Variants in FANCA observed in about 807,000 individuals in gnomAD.
The protein encoded by FANCA is FA complementation group A.
A neutral mutation model predicts 194.3 loss-of-function variants in FANCA; 236 were observed. The observed-to-expected ratio is 1.21, with a 90% CI of 1.09 to 1.35. The LOEUF (loss-of-function observed/expected upper bound fraction) is 1.35, where lower values mean the gene tolerates loss of function less well. Ranked by LOEUF, FANCA falls within the 40% of genes most tolerant of loss-of-function variation. FANCA has a pLI of 0.00. For missense variants in FANCA, 2,628 were observed against 1,813.9 expected (o/e 1.45, Z -8.15); for synonymous variants, 1,014 against 715.8 (o/e 1.42, Z -6.65).
intron 15 of FANCA, among the ~76,000 whole-genome samples, chr16:89,784,089 G>A (rs1207895239): frequency 1.3e-5 from 2 of 152,060 alleles, no homozygotes; most frequent in Non-Finnish European, 1.5e-5. Flanking sequence ...GGTCAGGCTG[G>A]GCACAGTGGC....
chr16:89,804,874 A>G (rs1456067043), intron 7 of FANCA, among the ~76,000 whole-genome samples: 1 of 151,930 alleles, frequency 6.6e-6, no homozygotes, highest in Non-Finnish European at 1.5e-5. Context: ...TCTACTAAAA[A>G]TACAAAAAAA....
At chr16:89,787,943 G>A (rs1161025805) in intron 14 of FANCA, among the ~76,000 whole-genome samples, 2 of 151,524 alleles carry the variant, frequency 1.3e-5, no homozygotes, top group African/African-American at 4.9e-5. Flanking sequence ...GTCTGATCTT[G>A]GCTCACTGCA....
chr16:89,753,787 G>A (rs1243496734), intron 30 of FANCA, among the ~76,000 whole-genome samples: 2 of 152,198 alleles, frequency 1.3e-5, no homozygotes, highest in Admixed American at 6.5e-5. Flanking sequence ...AGACACGGTG[G>A]CTCACGCCTG....
At chr16:89,799,712 A>AATT in intron 8 of FANCA, 74 bp from the exon 9 acceptor site, 1 of 1,261,774 alleles carries the variant, frequency 7.9e-7, no homozygotes, top group Non-Finnish European at 1.2e-6. Context: ...CACACAAGAG[A>AATT]ATTATTACTT....
At chr16:89,800,528 TTCTTCCC>T (rs2040408976) in intron 8 of FANCA, among the ~76,000 whole-genome samples, 1 of 152,140 alleles carries the variant, frequency 6.6e-6, no homozygotes, top group African/African-American at 2.4e-5. Flanking sequence ...ACCAATAACG[TTCTTCCC>T]AGAAATAGAA....
intron 17 of FANCA, among the ~76,000 whole-genome samples, chr16:89,780,881 G>A (rs1311399394): frequency 2.7e-5 from 4 of 148,460 alleles, no homozygotes; most frequent in Non-Finnish European, 5.9e-5. Flanking sequence ...ACTGAACTGT[G>A]ATCACGGTAC....
Position 89,749,751 on chromosome 16 carries a change from C to G in FANCA, c.3218G>C (p.Arg1073Thr). The G allele has an allele frequency of 2.5e-6, 4 of 1,614,132 alleles. No individual in the cohort carries two copies. Among genetic ancestry groups the G allele is most frequent in the Non-Finnish European group, 3.4e-6 (4 of 1,180,002 alleles). Residue 1073 changes from arginine to threonine, a missense_variant, in exon 32 of 43, where the codon AGG becomes ACG. Arg to Thr is a moderately conservative substitution (Grantham distance 71). Coordinates refer to ENST00000389301, the MANE Select transcript of FANCA (RefSeq NM_000135.4). ...WSVAASLQRQRELLMYKRILL... is the reference protein window; with the variant it reads ...WSVAASLQRQTELLMYKRILL... ...TTACCGTTTGTACATTAGCAGCTCC[C>G]TCTGTCTCTGAAGGCTGGCAGCCAC... is the stretch of plus-strand genomic sequence containing the variant.
At chr16:89,784,013 A>G (rs1477701051) in intron 15 of FANCA, among the ~76,000 whole-genome samples, 1 of 151,990 alleles carries the variant, frequency 6.6e-6, no homozygotes, top group Non-Finnish European at 1.5e-5. Flanking sequence ...TGCCCTCCTC[A>G]GCCTCCAAAA....
intron 29 of FANCA, among the ~76,000 whole-genome samples, chr16:89,759,650 AC>A (rs1240838582): frequency 6.6e-6 from 1 of 152,098 alleles, no homozygotes; most frequent in Non-Finnish European, 1.5e-5. Context: ...GGTCCCAGCT[AC>A]TCAGGAGGCT....
At position 89,774,762 on chromosome 16, in the gene FANCA, G is replaced by A. The variant is rs1291190816; in HGVS notation, c.1900+980C>T. 1.5e-4 allele frequency among the ~76,000 whole-genome samples: 10 copies of A among 65,398 alleles called. No homozygotes were observed. In the Middle Eastern group the frequency reaches 0.071, roughly 467 times the overall value. 42.9% of individuals were successfully genotyped at this position (65,398 alleles called of 152,430 possible). On this transcript the variant is annotated intron_variant, in intron 21 of 42. Transcript: ENST00000389301. ...AAAAAAAAAAAAAAAAAATCTCAAC[G>A]AGCCTCCCTGGCCCTGCAGGTGGAA... is the stretch of plus-strand genomic sequence containing the variant.
chr16:89,803,536 C>A (rs542639151), intron 7 of FANCA, among the ~76,000 whole-genome samples, 195 bp from the exon 8 acceptor site: 4 of 152,266 alleles, frequency 2.6e-5, no homozygotes, highest in Non-Finnish European at 2.9e-5. Flanking sequence ...TAGCGTTCAC[C>A]AAACCCAATC....
chr16:89,782,287 G>A lies in FANCA; in HGVS notation c.1626+572C>T, dbSNP rs568715381. ...AGCACTTTGAGAGGCCAAGGCGGGC[G>A]GATCACAAGGTCAGGAGATTGAGAC... is the stretch of plus-strand genomic sequence containing the variant. On this transcript the variant is annotated intron_variant, in intron 17 of 42. Coordinates refer to ENST00000389301, the MANE Select transcript of FANCA (RefSeq NM_000135.4). Among the ~76,000 whole-genome samples the A allele has an allele frequency of 1.3e-3, 203 of 150,488 alleles. 1 individual carries two copies. The highest frequency in any genetic ancestry group is 2.5e-3 in the Non-Finnish European group (165 of 66,950).
chr16:89,760,974 C>T (rs996636779), intron 29 of FANCA, among the ~76,000 whole-genome samples: 3 of 152,316 alleles, frequency 2.0e-5, no homozygotes, highest in East Asian at 1.9e-4. Context: ...GTGCCTTATA[C>T]GTGCCACATC....
Position 89,815,971 on chromosome 16 carries a change from C to G in FANCA, c.95G>C (p.Arg32Thr), listed in dbSNP as rs770984577. The G allele has an allele frequency of 1.2e-5, 20 of 1,613,622 alleles. No homozygotes were observed. Among genetic ancestry groups the G allele is most frequent in the Non-Finnish European group, 1.6e-5 (19 of 1,179,634 alleles). ...WAELLAGRVK[R>T]EKYNPERAQK... The stretch of plus-strand genomic sequence containing the variant: ...TGCCCTTTCAGGATTATATTTTTCC[C>G]TCTTGACCCTTCCCGCTACGGAGAG... Residue 32 changes from arginine (R) to threonine (T), a missense_variant, in exon 2 of 43, where the codon AGG (arginine) becomes ACG (threonine). Physicochemically the swap from Arg to Thr is moderately conservative, Grantham distance 71. Transcript: ENST00000389301.
chr16:89,765,688 GC>G (rs1206240891), intron 27 of FANCA, among the ~76,000 whole-genome samples: 1 of 152,240 alleles, frequency 6.6e-6, no homozygotes, highest in Non-Finnish European at 1.5e-5. Flanking sequence ...GTCCATCTCT[GC>G]CCCCGAGGAG....
At position 89,740,506 on chromosome 16, in the gene FANCA, C is replaced by T. The variant is rs573789488; in HGVS notation, c.3828+298G>A. 3.2e-4 allele frequency: 158 copies of T among 489,266 alleles called. 2 individuals are homozygous for T. The highest frequency in any genetic ancestry group is 2.9e-3 in the South Asian group (129 of 43,754). The allele number at this position is 489,266 out of a possible 1,614,324, so 30.3% of individuals were successfully genotyped here. On this transcript the variant is annotated intron_variant, in intron 38 of 42. Coordinates refer to ENST00000389301, the MANE Select transcript of FANCA (RefSeq NM_000135.4). ...AAAAATTAGCCGGGTGTGACAGACT[C>T]ACGCCTGTAATCCCAGCTACTCGGG... is the stretch of plus-strand genomic sequence containing the variant.
At chr16:89,766,888 T>G (rs963951484) in intron 27 of FANCA, among the ~76,000 whole-genome samples, 2 of 152,240 alleles carry the variant, frequency 1.3e-5, no homozygotes, top group Non-Finnish European at 2.9e-5. Flanking sequence ...TGTAGTTGTC[T>G]TCATACAACT....
chr16:89,810,959 A>G lies in FANCA; in HGVS notation c.396T>C (p.Ser132=). Residue 132 remains serine, a synonymous_variant, in exon 4 of 43, where the codon AGT becomes AGC. Coordinates refer to ENST00000389301, the MANE Select transcript of FANCA (RefSeq NM_000135.4). ...GQICTAPAET[S]HPVLLTVEQR... ...GCTCCACAGTCAGCAGCACAGGGTGACTGGTCTCCGCTGGAGCCGTGCAGA... is the reference window on the plus strand; with the variant it reads ...GCTCCACAGTCAGCAGCACAGGGTGGCTGGTCTCCGCTGGAGCCGTGCAGA... 6.2e-7 allele frequency: 1 copy of G among 1,614,136 alleles called. No individual in the cohort carries two copies. The highest frequency in any genetic ancestry group is 8.5e-7 in the Non-Finnish European group (1 of 1,180,040).
chr16:89,740,742 C>T (rs2062111823), intron 38 of FANCA, 62 bp downstream of exon 38: 1 of 1,442,456 alleles, frequency 6.9e-7, no homozygotes. Flanking sequence ...AAGCTGGCTG[C>T]CTGGTGCCCC....
Sources: gnomAD v4.1 joint callset for allele counts (sites outside exome capture counted in the v4.1 genomes callset) on GRCh38, gnomAD v4.1.1 for gene constraint, MANE v1.5 for transcripts, NCBI Gene and HGNC (gene_info 2026-07-23, HGNC 2026-07-21) for gene names.